GPR85: variants seen among roughly 807,000 people sequenced by gnomAD.
GPR85 encodes G protein-coupled receptor 85, also known as probable G protein-coupled receptor 85.
In GPR85, 7 loss-of-function variants were observed where a neutral mutation model predicts 21.3. The observed-to-expected ratio is 0.33, with a 90% CI of 0.19 to 0.62. The LOEUF is 0.62. Ranked by LOEUF, GPR85 falls within the 20% of genes least tolerant of loss-of-function variation. GPR85 has a pLI of 0.80. For synonymous variants in GPR85, 167 were observed against 166.1 expected (o/e 1.01, Z -0.04); for missense variants, 299 against 443.8 (o/e 0.67, Z 2.93).
Position 113,084,472 on chromosome 7 carries a change from C to T in GPR85, c.250G>A (p.Gly84Ser), listed in dbSNP as rs1401645993. 1 of 1,614,010 alleles carries T rather than the reference C, an allele frequency of 6.2e-7. No homozygotes were observed. Among genetic ancestry groups the T allele is most frequent in the South Asian group, 1.1e-5 (1 of 91,074 alleles). The part of the protein sequence containing the change: ...FPFVFNSVKN[G>S]STWTYGTLTC... ...AGAGTCCCATAAGTCCAGGTAGAACCATTTTTGACAGAGTTGAACACAAAT... is the reference window on the plus strand; with the variant it reads ...AGAGTCCCATAAGTCCAGGTAGAACTATTTTTGACAGAGTTGAACACAAAT... The change falls in exon 3 of 3, where the codon GGT (glycine) becomes AGT (serine). Residue 84 changes from glycine to serine, a missense_variant. Physicochemically the swap from Gly to Ser is moderately conservative, Grantham distance 56. Transcript: ENST00000424100.
At position 113,083,673 on chromosome 7, in the gene GPR85, A is replaced by T; in HGVS notation, c.1049T>A (p.Phe350Tyr). Residue 350 changes from phenylalanine (F) to tyrosine (Y), a missense_variant, in exon 3 of 3, where the codon TTC becomes TAC. By Grantham distance (22) the Phe-to-Tyr change is conservative. Transcript: ENST00000424100. This position sits in a 1 kb window ranked among gnomAD's most constrained non-coding sequence, Gnocchi z 4.4. ...TCTGCAGTAAAGAAGGGTTGTGCTGAAACAGCGCCTCAGCTCCCTGTTTGA... is the reference window on the plus strand; with the variant it reads ...TCTGCAGTAAAGAAGGGTTGTGCTGTAACAGCGCCTCAGCTCCCTGTTTGA... ...IFSNRELRRC[F>Y]STTLLYCRKS... is the part of the protein sequence containing the mutation. 1 of 1,614,192 alleles carries T rather than the reference A, an allele frequency of 6.2e-7. No homozygotes were observed. Among genetic ancestry groups the T allele is most frequent in the Admixed American group, 1.7e-5 (1 of 60,024 alleles).
At position 113,083,879 on chromosome 7, in the gene GPR85, T is replaced by C. The variant is rs370043614; in HGVS notation, c.843A>G (p.Lys281=). 3.1e-6 allele frequency: 5 copies of C among 1,614,064 alleles called. No homozygotes were observed. In the African/African-American group the frequency reaches 6.7e-5, roughly 22 times the overall value. The change falls in exon 3 of 3, where the codon AAA becomes AAG. Residue 281 remains lysine (K), a synonymous_variant. Transcript: ENST00000424100. The surrounding 1 kb of genome is among the most constrained non-coding windows in gnomAD (Gnocchi z 4.4). ...TTATATAGAACATTCTGCTGATTCTTTTCTCCATTTTGAACTCGTCTAAGA... is the reference window on the plus strand; with the variant it reads ...TTATATAGAACATTCTGCTGATTCTCTTCTCCATTTTGAACTCGTCTAAGA... ...LLVLDEFKME[K]RISRMFYIMT...
intron 2 of GPR85, among the ~76,000 whole-genome samples, chr7:113,085,257 A>C (rs1794244118): frequency 6.6e-6 from 1 of 152,198 alleles, no homozygotes; most frequent in Non-Finnish European, 1.5e-5. Context: ...CATTTATTTG[A>C]GATCTATTAG....
At position 113,084,707 on chromosome 7, in the gene GPR85, G is replaced by A; in HGVS notation, c.15C>T (p.Ser5=). 2 of 1,611,680 alleles carry A rather than the reference G, an allele frequency of 1.2e-6. No individual in the cohort carries two copies. The highest frequency in any genetic ancestry group is 1.7e-6 in the Non-Finnish European group (2 of 1,178,492). Residue 5 remains serine, a synonymous_variant, in exon 3 of 3, where the codon AGC becomes AGT. Coordinates refer to ENST00000424100, the MANE Select transcript of GPR85 (RefSeq NM_001146267.2). The part of the protein sequence containing the change: MANY[S]HAADNILQNL... ...TTTGCAAAATGTTGTCAGCTGCATG[G>A]CTATAGTTCGCCATAGATGGATGGA...
In GPR85 at chr7:113,083,567, G is replaced by A. The variant is rs771150979; in HGVS notation, c.*42C>T. ...CTATGGGCCACAATTGCTCAGCAGA[G>A]AAGGTTAGTTTTCACAAGGCTAAAG... On this transcript the variant is annotated 3_prime_UTR_variant, in exon 3 of 3. Coordinates refer to ENST00000424100, the MANE Select transcript of GPR85 (RefSeq NM_001146267.2). The surrounding 1 kb of genome is among the most constrained non-coding windows in gnomAD (Gnocchi z 4.4). 4 of 1,542,258 alleles carry A rather than the reference G, an allele frequency of 2.6e-6. No individual in the cohort carries two copies. The highest frequency in any genetic ancestry group is 2.2e-5 in the East Asian group (1 of 44,474).
upstream of GPR85, among the ~76,000 whole-genome samples, chr7:113,086,899 T>C (rs1407283161): frequency 3.4e-5 from 5 of 146,608 alleles, no homozygotes; most frequent in East Asian, 1.0e-3. Flanking sequence ...CTTTCTTCCC[T>C]TTTCTTTTAG....
At chr7:113,087,118 C>G (rs1016298450), upstream of GPR85, among the ~76,000 whole-genome samples, 1 of 152,180 alleles carries the variant, frequency 6.6e-6, no homozygotes, top group African/African-American at 2.4e-5. Flanking sequence ...GCAGCTCTCT[C>G]TTTGTTAGTC....
In GPR85 at chr7:113,084,210, T is replaced by A; in HGVS notation, c.512A>T (p.Gln171Leu). Residue 171 changes from glutamine to leucine, a missense_variant, in exon 3 of 3, where the codon CAA (glutamine) becomes CTA (leucine). Around this residue, in one of 2 missense-constraint regions of GPR85, gnomAD observed 198 missense variants for 335.4 expected, o/e 0.59. Coordinates refer to ENST00000424100, the MANE Select transcript of GPR85 (RefSeq NM_001146267.2). ...GTYSFIREEDQCTFQHRSFRA... is the reference protein window; with the variant it reads ...GTYSFIREEDLCTFQHRSFRA... ...GAAGGAGCGGTGTTGGAAGGTGCAT[T>A]GATCTTCCTCCCTAATGAATGAGTA... The A allele has an allele frequency of 6.2e-7, 1 of 1,614,064 alleles. No individual in the cohort carries two copies. The highest frequency in any genetic ancestry group is 8.5e-7 in the Non-Finnish European group (1 of 1,179,982).
Position 113,083,556 on chromosome 7 carries a change from T to A in GPR85, c.*53A>T. On this transcript the variant is annotated 3_prime_UTR_variant, in exon 3 of 3. Coordinates refer to ENST00000424100, the MANE Select transcript of GPR85 (RefSeq NM_001146267.2). The surrounding 1 kb of genome is among the most constrained non-coding windows in gnomAD (Gnocchi z 4.4). ...TCAAAATATGGCTATGGGCCACAATTGCTCAGCAGAGAAGGTTAGTTTTCA... is the reference window on the plus strand; with the variant it reads ...TCAAAATATGGCTATGGGCCACAATAGCTCAGCAGAGAAGGTTAGTTTTCA... 6.7e-7 allele frequency: 1 copy of A among 1,493,002 alleles called. No individual in the cohort carries two copies. The highest frequency in any genetic ancestry group is 9.1e-7 in the Non-Finnish European group (1 of 1,101,436). 92.5% of individuals were successfully genotyped at this position (1,493,002 alleles called of 1,614,324 possible). A position where few individuals can be genotyped will look rare whatever the true frequency, so the allele number is the denominator to read the frequency against.
In GPR85 at chr7:113,086,390, C is replaced by CTTTTTTTTTTTTT. The variant is rs1794280731; in HGVS notation, c.-358_-357insAAAAAAAAAAAAA. On this transcript the variant is annotated 5_prime_UTR_variant, in exon 1 of 3. The change abolishes the stop of an existing upstream ORF in the 5' untranslated region. Coordinates refer to ENST00000424100, the MANE Select transcript of GPR85 (RefSeq NM_001146267.2). ...AAATTGCTGATTTTTTTCTTTTTTT[C>CTTTTTTTTTTTTT]TTTTTCTTTTTTTTTTTTTTTTTTT... 10 of 25,280 alleles carry CTTTTTTTTTTTTT rather than the reference C, an allele frequency of 4.0e-4. 1 individual carries two copies. The highest frequency in any genetic ancestry group is 7.9e-4 in the Non-Finnish European group (10 of 12,708). 1.6% of individuals were successfully genotyped at this position (25,280 alleles called of 1,614,324 possible).
chr7:113,084,089 A>T lies in GPR85; in HGVS notation c.633T>A (p.Asp211Glu). 6.2e-7 allele frequency: 1 copy of T among 1,614,098 alleles called. No individual in the cohort carries two copies. Among genetic ancestry groups the T allele is most frequent in the Non-Finnish European group, 8.5e-7 (1 of 1,180,026 alleles). ...VYLKLIFFVH[D>E]RRKMKPVQFV... Reference sequence around the variant, plus strand: ...ACTGGACTGGCTTCATTTTTCTTCGATCGTGGACGAAAAATATCAGCTTGA... The same window carrying T: ...ACTGGACTGGCTTCATTTTTCTTCGTTCGTGGACGAAAAATATCAGCTTGA... Residue 211 changes from aspartate to glutamate, a missense_variant, in exon 3 of 3, where the codon GAT becomes GAA. Physicochemically the swap from Asp to Glu is conservative, Grantham distance 45. This residue lies in a region of GPR85 where 198 missense variants were observed against 335.4 expected (regional missense o/e 0.59). Coordinates refer to ENST00000424100, the MANE Select transcript of GPR85 (RefSeq NM_001146267.2).
Position 113,084,584 on chromosome 7 carries a change from C to A in GPR85, c.138G>T (p.Val46=). The A allele has an allele frequency of 6.2e-7, 1 of 1,613,900 alleles. No homozygotes were observed. The change falls in exon 3 of 3, where the codon GTG becomes GTT. Residue 46 remains valine, a synonymous_variant. Coordinates refer to ENST00000424100, the MANE Select transcript of GPR85 (RefSeq NM_001146267.2). ...GTGCTCTATGCAAGGTCTTATCTTT[C>A]ACTAGCAAAATGGAGATCAGGAGGT... is the stretch of plus-strand genomic sequence containing the variant. The part of the protein sequence containing the change: ...VGNLLISILL[V]KDKTLHRAPY...
chr7:113,086,223 C>CAA (rs1794276287), intron 1 of GPR85, 99 bp downstream of exon 1: 1 of 119,160 alleles, frequency 8.4e-6, no homozygotes, highest in African/African-American at 3.0e-5. Flanking sequence ...CACACACACA[C>CAA]AACCTGAGGG....
chr7:113,086,404 T>TTTTTG lies in GPR85; in HGVS notation c.-372_-371insCAAAA, dbSNP rs1794290183. Reference sequence around the variant, plus strand: ...TTTCTTTTTTTCTTTTTCTTTTTTTTTTTTTTTTTTTTGTTTTTTGTTTTT... The same window carrying TTTTTG: ...TTTCTTTTTTTCTTTTTCTTTTTTTTTTTTGTTTTTTTTTTTTGTTTTTTGTTTTT... On this transcript the variant is annotated 5_prime_UTR_variant, in exon 1 of 3. The change abolishes the stop of an existing upstream ORF in the 5' untranslated region. Transcript: ENST00000424100. 2 of 93,740 alleles carry TTTTTG rather than the reference T, an allele frequency of 2.1e-5. No homozygotes were observed. The highest frequency in any genetic ancestry group is 4.2e-5 in the Non-Finnish European group (2 of 47,902). The allele number at this position is 93,740 out of a possible 1,614,324, so 5.8% of individuals were successfully genotyped here. A position where few individuals can be genotyped will look rare whatever the true frequency, so the allele number is the denominator to read the frequency against.
At chr7:113,085,024 TA>T (rs1380245969) in intron 2 of GPR85, 133 bp from the exon 3 acceptor site, 2 of 248,634 alleles carry the variant, frequency 8.0e-6, no homozygotes, top group African/African-American at 4.5e-5. Flanking sequence ...TTTGCTTTAC[TA>T]AATATTTTTG....
rs1584560337 is a variant in GPR85, at chr7:113,086,435, T to C, written c.-402A>G. 1 of 119,878 alleles carries C rather than the reference T, an allele frequency of 8.3e-6. No homozygotes were observed. The highest frequency in any genetic ancestry group is 1.8e-5 in the Non-Finnish European group (1 of 56,426). 7.4% of individuals were successfully genotyped at this position (119,878 alleles called of 1,614,324 possible). Reference sequence around the variant, plus strand: ...TTTTTTTGTTTTTTGTTTTTTTTTTTTTTTTTTTTGCCTTAGTGCCTTGAC... The same window carrying C: ...TTTTTTTGTTTTTTGTTTTTTTTTTCTTTTTTTTTGCCTTAGTGCCTTGAC... On this transcript the variant is annotated 5_prime_UTR_variant, in exon 1 of 3. Coordinates refer to ENST00000424100, the MANE Select transcript of GPR85 (RefSeq NM_001146267.2).
At chr7:113,085,260 TC>T (rs1794244288) in intron 2 of GPR85, among the ~76,000 whole-genome samples, 2 of 152,184 alleles carry the variant, frequency 1.3e-5, no homozygotes, top group South Asian at 4.1e-4. Flanking sequence ...TTATTTGAGA[TC>T]TATTAGTATC....
chr7:113,086,396 C>CTTTTTTTTTTTTTTTTTTTTCTTTTTTT lies in GPR85; in HGVS notation c.-364_-363insAAAAAAAGAAAAAAAAAAAAAAAAAAAA, dbSNP rs869225759. On this transcript the variant is annotated 5_prime_UTR_variant, in exon 1 of 3. It removes the in-frame stop codon of an upstream open reading frame in the 5' UTR. Coordinates refer to ENST00000424100, the MANE Select transcript of GPR85 (RefSeq NM_001146267.2). Reference sequence around the variant, plus strand: ...CTGATTTTTTTCTTTTTTTCTTTTTCTTTTTTTTTTTTTTTTTTTTGTTTT... The same window carrying CTTTTTTTTTTTTTTTTTTTTCTTTTTTT: ...CTGATTTTTTTCTTTTTTTCTTTTTCTTTTTTTTTTTTTTTTTTTTCTTTTTTTTTTTTTTTTTTTTTTTTTTTGTTTT... 2 of 48,068 alleles carry CTTTTTTTTTTTTTTTTTTTTCTTTTTTT rather than the reference C, an allele frequency of 4.2e-5. No individual in the cohort carries two copies. Among genetic ancestry groups the CTTTTTTTTTTTTTTTTTTTTCTTTTTTT allele is most frequent in the Non-Finnish European group, 7.1e-5 (2 of 28,134 alleles). 3.0% of individuals were successfully genotyped at this position (48,068 alleles called of 1,614,324 possible).
upstream of GPR85, among the ~76,000 whole-genome samples, chr7:113,086,846 GC>G (rs1023713303): frequency 1.4e-5 from 2 of 138,798 alleles, no homozygotes; most frequent in Admixed American, 7.6e-5. Context: ...CGTGACGCCC[GC>G]CCCCTCCCTC....
Sources: allele counts gnomAD v4.1 joint callset (sites outside exome capture counted in the v4.1 genomes callset), GRCh38; gene constraint gnomAD v4.1.1; regional missense constraint gnomAD v4.1.1; non-coding constraint Gnocchi (gnomAD v3.1); transcripts MANE v1.5; gene names NCBI Gene and HGNC (gene_info 2026-07-23, HGNC 2026-07-21).